The following HPSE2 variants were observed in gnomAD, a reference collection of about 807,000 sequenced individuals.
HPSE2 encodes heparanase 2 (inactive).
HPSE2 carries 38 observed loss-of-function variants against 60.5 expected under a neutral mutation model. The observed-to-expected ratio is 0.63, with a 90% confidence interval of 0.48 to 0.82. The LOEUF (loss-of-function observed/expected upper bound fraction) is 0.82. HPSE2 is among the 40% of genes least tolerant of loss of function. The probability of loss-of-function intolerance (pLI) is 0.00; values close to 1 mark genes in which losing one functional copy is unlikely to be tolerated. For synonymous variants in HPSE2, 295 were observed against 293.2 expected (o/e 1.01, Z -0.06); for missense variants, 713 against 740.4 (o/e 0.96, Z 0.43).
intron 3 of HPSE2, among the ~76,000 whole-genome samples, chr10:98,788,653 T>C (rs989828757): frequency 1.3e-5 from 2 of 152,186 alleles, no homozygotes; most frequent in Non-Finnish European, 1.5e-5. Context: ...CGTGGTGCGC[T>C]GTTTCTTAAG....
At chr10:99,195,375 G>A (rs571544435) in intron 2 of HPSE2, among the ~76,000 whole-genome samples, 7 of 149,940 alleles carry the variant, frequency 4.7e-5, no homozygotes, top group Admixed American at 6.6e-5. Flanking sequence ...GCAATAAGAC[G>A]AGAAAAAAAC....
At chr10:98,736,338 T>C (rs1188257204) in intron 4 of HPSE2, among the ~76,000 whole-genome samples, 2 of 152,100 alleles carry the variant, frequency 1.3e-5, no homozygotes, top group African/African-American at 2.4e-5. Context: ...CTTTATAAAT[T>C]ACCTAGTCTC....
rs752172192 is a variant in HPSE2, at chr10:98,721,847, T to C, written c.785-19A>G. ...TTTGGCTCTAGATTAAAAGCAGACA[T>C]GTAAGTCAGAATGAGAAGTGTAAGG... On this transcript the variant is annotated intron_variant, in intron 4 of 11. Coordinates refer to ENST00000370552, the MANE Select transcript of HPSE2 (RefSeq NM_021828.5). 2 of 1,611,156 alleles carry C rather than the reference T, an allele frequency of 1.2e-6. No homozygotes were observed. Among genetic ancestry groups the C allele is most frequent in the Admixed American group, 1.7e-5 (1 of 59,852 alleles).
the HPSE2 span, among the ~76,000 whole-genome samples, chr10:99,259,952 C>T: frequency 3.3e-5 from 5 of 152,228 alleles, no homozygotes; most frequent in Middle Eastern, 3.4e-3. Context: ...CGAAATCATC[C>T]CCACCCTCAA....
intron 4 of HPSE2, among the ~76,000 whole-genome samples, chr10:98,742,616 T>C (rs978519186): frequency 2.0e-5 from 3 of 152,178 alleles, no homozygotes; most frequent in South Asian, 2.1e-4. Context: ...CTATAATCCA[T>C]ATTGACTCAA....
chr10:98,462,952 A>G (rs894635776), intron 11 of HPSE2, among the ~76,000 whole-genome samples: 10 of 124,528 alleles, frequency 8.0e-5, no homozygotes, highest in African/African-American at 3.3e-4. Flanking sequence ...CTCTGTCCTT[A>G]TCTCTGCTTT....
At chr10:99,004,613 G>A (rs1435179093) in intron 3 of HPSE2, among the ~76,000 whole-genome samples, 1 of 151,708 alleles carries the variant, frequency 6.6e-6, no homozygotes, top group Non-Finnish European at 1.5e-5. Context: ...AGAAATTTTT[G>A]TAGCTATTAA....
At chr10:99,041,326 G>A (rs751576554) in intron 3 of HPSE2, among the ~76,000 whole-genome samples, 9 of 152,090 alleles carry the variant, frequency 5.9e-5, no homozygotes, top group African/African-American at 1.9e-4. Flanking sequence ...AGAGAGGAGC[G>A]AGGCAGAACA....
chr10:99,178,498 G>A (rs567473875), intron 2 of HPSE2, among the ~76,000 whole-genome samples: 7 of 135,752 alleles, frequency 5.2e-5, no homozygotes, highest in South Asian at 2.7e-4. Flanking sequence ...ACACCTCTAC[G>A]CAAATAAACT....
At chr10:98,837,609 T>A (rs1951819176) in intron 3 of HPSE2, among the ~76,000 whole-genome samples, 1 of 151,600 alleles carries the variant, frequency 6.6e-6, no homozygotes, top group Non-Finnish European at 1.5e-5. Context: ...GCGTGGTGGC[T>A]CACGCCTGTA....
At chr10:98,933,649 C>T (rs577619841) in intron 3 of HPSE2, among the ~76,000 whole-genome samples, 1 of 143,612 alleles carries the variant, frequency 7.0e-6, no homozygotes, top group Admixed American at 6.9e-5. Flanking sequence ...GTATTGGGTG[C>T]ATATATATTT....
At chr10:98,812,574 T>A (rs937374742) in intron 3 of HPSE2, among the ~76,000 whole-genome samples, 1 of 152,138 alleles carries the variant, frequency 6.6e-6, no homozygotes, top group African/African-American at 2.4e-5. Flanking sequence ...TAATTTAAAA[T>A]TTTTTGGTAG....
At chr10:98,758,715 G>C (rs1469634358) in intron 3 of HPSE2, among the ~76,000 whole-genome samples, 1 of 152,118 alleles carries the variant, frequency 6.6e-6, no homozygotes, top group Non-Finnish European at 1.5e-5. Flanking sequence ...GGAGAAAAAC[G>C]AATGCGTATA....
chr10:99,039,693 A>G (rs1287400518), intron 3 of HPSE2, among the ~76,000 whole-genome samples: 1 of 152,114 alleles, frequency 6.6e-6, no homozygotes. Context: ...AAAGTCTTCA[A>G]TAAGATCATC....
chr10:99,193,533 C>CA (rs1281752119), intron 2 of HPSE2, among the ~76,000 whole-genome samples: 2 of 150,066 alleles, frequency 1.3e-5, no homozygotes, highest in African/African-American at 4.9e-5. Flanking sequence ...CGGCTGCCTA[C>CA]AAAAAACACA....
intron 3 of HPSE2, among the ~76,000 whole-genome samples, chr10:99,032,147 T>C (rs1040866465): frequency 1.3e-5 from 2 of 152,168 alleles, no homozygotes; most frequent in African/African-American, 4.8e-5. Flanking sequence ...TCCTGCTGAA[T>C]GTTTGGAGGA....
At chr10:98,889,010 G>C (rs1342100624) in intron 3 of HPSE2, among the ~76,000 whole-genome samples, 7 of 151,986 alleles carry the variant, frequency 4.6e-5, no homozygotes, top group Non-Finnish European at 1.0e-4. Flanking sequence ...GGGCAAAATA[G>C]CAAGACCCCA....
intron 6 of HPSE2, among the ~76,000 whole-genome samples, chr10:98,667,697 T>TG (rs1947402248): frequency 6.6e-6 from 1 of 152,234 alleles, no homozygotes; most frequent in African/African-American, 2.4e-5. Flanking sequence ...TCTCAATAGA[T>TG]GCAGAACAAG....
At chr10:98,493,389 G>A (rs1490109204) in intron 9 of HPSE2, among the ~76,000 whole-genome samples, 1 of 152,038 alleles carries the variant, frequency 6.6e-6, no homozygotes, top group Non-Finnish European at 1.5e-5. Context: ...ATTGAGAATG[G>A]GATATTGAAG....
Sources: allele counts gnomAD v4.1 joint callset (sites outside exome capture counted in the v4.1 genomes callset), GRCh38; gene constraint gnomAD v4.1.1; transcripts MANE v1.5; gene names NCBI Gene and HGNC (gene_info 2026-07-23, HGNC 2026-07-21).